NKTR: variants seen among roughly 807,000 people sequenced by gnomAD.
NKTR encodes NK-tumor recognition protein.
Under a neutral mutation model 156.3 loss-of-function variants are expected in NKTR, and 67 were observed. The ratio of observed to expected loss-of-function variants is 0.43; its 90% confidence interval spans 0.35 to 0.53. The LOEUF is 0.53. NKTR is among the 20% of genes least tolerant of loss of function. The pLI, the probability that NKTR is intolerant of heterozygous loss-of-function variation, is 0.01. For missense variants in NKTR, 1,604 were observed against 1,730.9 expected (o/e 0.93, Z 1.30); for synonymous variants, 640 against 596.6 (o/e 1.07, Z -1.06).
intron 9 of NKTR, chr3:42,633,065 G>A (rs1021836465): frequency 8.9e-7 from 1 of 1,129,040 alleles, no homozygotes; most frequent in Non-Finnish European, 1.1e-6. Context: ...TAAGAGATAG[G>A]GTCTTGCTCT....
At chr3:42,635,075 A>T in intron 11 of NKTR, 146 bp from the exon 12 acceptor site, 4 of 465,274 alleles carry the variant, frequency 8.6e-6, no homozygotes, top group Non-Finnish European at 1.4e-5. Context: ...AAAAAAAAAA[A>T]AAAGAACTTT....
At chr3:42,619,831 GA>G (rs920092489) in intron 5 of NKTR, 123 bp downstream of exon 5, 3 of 1,493,990 alleles carry the variant, frequency 2.0e-6, no homozygotes, top group Non-Finnish European at 2.7e-6. Context: ...AATGCTGCAT[GA>G]AAATACTTTA....
At position 42,648,477 on chromosome 3, in the gene NKTR, C is replaced by T. The variant is rs1234193694; in HGVS notation, c.*2502C>T. ...GTGAACTACAGAAATAGCTTTTCTT[C>T]CTAAAGGGGATTGTTCTACATTTTG... On this transcript the variant is annotated 3_prime_UTR_variant, in exon 17 of 17. Transcript: ENST00000232978. The T allele has an allele frequency of 6.6e-6, 1 of 152,328 alleles. No homozygotes were observed. Among genetic ancestry groups the T allele is most frequent in the Non-Finnish European group, 1.5e-5 (1 of 68,014 alleles). The allele number at this position is 152,328 out of a possible 1,614,324, so 9.4% of individuals were successfully genotyped here. A position where few individuals can be genotyped will look rare whatever the true frequency, so the allele number is the denominator to read the frequency against.
intron 2 of NKTR, among the ~76,000 whole-genome samples, chr3:42,610,238 A>G (rs1706648644): frequency 6.6e-6 from 1 of 152,180 alleles, no homozygotes; most frequent in South Asian, 2.1e-4. Flanking sequence ...TCCCGACCTC[A>G]GGTGATCCGC....
At chr3:42,641,280 T>A (rs763151691) in intron 13 of NKTR, among the ~76,000 whole-genome samples, 1 of 152,198 alleles carries the variant, frequency 6.6e-6, no homozygotes, top group Non-Finnish European at 1.5e-5. Flanking sequence ...TACAATCTTA[T>A]TAGAACATAA....
chr3:42,637,122 G>A lies in NKTR; in HGVS notation c.1418G>A (p.Arg473Gln), dbSNP rs764754257. ...SDIESSKSSTRRMKSSCDRER... is the reference protein window; with the variant it reads ...SDIESSKSSTQRMKSSCDRER... ...ATAGAATCCTCAAAATCTTCCACTC[G>A]AAGAATGAAATCCTCTTGTGATAGA... Residue 473 changes from arginine to glutamine, a missense_variant, in exon 13 of 17, where the codon CGA (arginine) becomes CAA (glutamine). By Grantham distance (43) the Arg-to-Gln change is conservative. Transcript: ENST00000232978. 14 of 1,607,898 alleles carry A rather than the reference G, an allele frequency of 8.7e-6. No homozygotes were observed. The highest frequency in any genetic ancestry group is 2.2e-5 in the East Asian group (1 of 44,870).
chr3:42,604,075 G>C (rs1390103337), intron 2 of NKTR, among the ~76,000 whole-genome samples: 1 of 152,110 alleles, frequency 6.6e-6, no homozygotes, highest in African/African-American at 2.4e-5. Context: ...TTTTATCTAA[G>C]TTGTCAAGTT....
At chr3:42,640,697 G>T (rs762206176) in intron 13 of NKTR, among the ~76,000 whole-genome samples, 1 of 151,916 alleles carries the variant, frequency 6.6e-6, no homozygotes, top group East Asian at 1.9e-4. Context: ...TCCCCTCCCC[G>T]CATCTCTTAG....
chr3:42,630,774 C>T, intron 7 of NKTR, 199 bp downstream of exon 7: 1 of 1,382,880 alleles, frequency 7.2e-7, no homozygotes, highest in Non-Finnish European at 9.4e-7. Context: ...TCAATCTGTG[C>T]TCATGGATGG....
rs572259658 is a variant in NKTR at position 42,637,197 on chromosome 3, G to C, written c.1493G>C (p.Arg498Thr). 1.1e-5 allele frequency: 17 copies of C among 1,612,422 alleles called. No individual in the cohort carries two copies. The highest frequency in any genetic ancestry group is 2.2e-5 in the East Asian group (1 of 44,868). The stretch of plus-strand genomic sequence containing the variant: ...TTGTCATCTCATCACTCATCAAAGA[G>C]AGACTGGTCTAAATCTGATAAGGAT... ...SSLSSHHSSK[R>T]DWSKSDKDVQ... Residue 498 changes from arginine to threonine, a missense_variant, in exon 13 of 17, where the codon AGA (arginine) becomes ACA (threonine). Around this residue, in one of 6 missense-constraint regions of NKTR, gnomAD observed 1,255 missense variants for 1,243.7 expected, o/e 1.01. Transcript: ENST00000232978.
intron 6 of NKTR, chr3:42,627,738 T>C (rs544119107): frequency 1.0e-6 from 1 of 983,332 alleles, no homozygotes; most frequent in Non-Finnish European, 1.2e-6. Context: ...CAATTTGAAA[T>C]GTTCTTTGTG....
rs1159910051 is a variant in NKTR, at chr3:42,639,289, C to T, written c.3585C>T (p.Asp1195=). ...TGTTGGGTGAAGTGGGGAAACAGGACAGCAGCTCTGCTAGCTTGGCTAGTG... is the reference window on the plus strand; with the variant it reads ...TGTTGGGTGAAGTGGGGAAACAGGATAGCAGCTCTGCTAGCTTGGCTAGTG... The part of the protein sequence containing the change: ...SKVLGEVGKQ[D]SSSASLASAG... The change falls in exon 13 of 17, where the codon GAC becomes GAT. Residue 1195 remains aspartate (D), a synonymous_variant. Coordinates refer to ENST00000232978, the MANE Select transcript of NKTR (RefSeq NM_005385.4). 1.2e-6 allele frequency: 2 copies of T among 1,614,132 alleles called. No individual in the cohort carries two copies. Among genetic ancestry groups the T allele is most frequent in the East Asian group, 4.5e-5 (2 of 44,884 alleles).
intron 2 of NKTR, among the ~76,000 whole-genome samples, chr3:42,603,634 G>C (rs562565933): frequency 2.2e-4 from 34 of 151,890 alleles, no homozygotes; most frequent in African/African-American, 7.7e-4. Flanking sequence ...CATTGTTCTA[G>C]GTTTAATCAT....
rs1300090157 is a variant in NKTR, at chr3:42,637,736, T to G, written c.2032T>G (p.Tyr678Asp). Residue 678 changes from tyrosine to aspartate, a missense_variant, in exon 13 of 17, where the codon TAT (tyrosine) becomes GAT (aspartate). This residue lies in a region of NKTR where 1,255 missense variants were observed against 1,243.7 expected (regional missense o/e 1.01). Coordinates refer to ENST00000232978, the MANE Select transcript of NKTR (RefSeq NM_005385.4). ...AAATTCGGAAAGTGATCAGAGCACT[T>G]ATTCAAAATACAGTGATAGAAGTTC... The part of the protein sequence containing the change: ...EKNSESDQST[Y>D]SKYSDRSSES... The G allele has an allele frequency of 6.2e-7, 1 of 1,614,010 alleles. No homozygotes were observed. The highest frequency in any genetic ancestry group is 8.5e-7 in the Non-Finnish European group (1 of 1,179,974).
chr3:42,625,705 T>G (rs1708314595), intron 6 of NKTR, among the ~76,000 whole-genome samples: 1 of 152,160 alleles, frequency 6.6e-6, no homozygotes, highest in African/African-American at 2.4e-5. Flanking sequence ...GCTTTTTCCT[T>G]CCTTTTTTTG....
intron 2 of NKTR, among the ~76,000 whole-genome samples, chr3:42,610,914 GTTTC>G (rs1706731662): frequency 6.6e-6 from 1 of 151,878 alleles, no homozygotes; most frequent in Admixed American, 6.6e-5. Flanking sequence ...CAGCATTTTA[GTTTC>G]TTTATTGGGC....
Position 42,637,374 on chromosome 3 carries a change from C to T in NKTR, c.1670C>T (p.Ser557Phe). ...SRSKSRSSSK[S>F]GHRKRASKSP... ...TCAAAGTCCAGATCTAGTTCCAAGT[C>T]TGGGCACCGAAAGAGAGCATCAAAA... Residue 557 changes from serine to phenylalanine, a missense_variant, in exon 13 of 17, where the codon TCT (serine) becomes TTT (phenylalanine). Ser to Phe is a radical substitution (Grantham distance 155). Transcript: ENST00000232978. 1 of 1,614,124 alleles carries T rather than the reference C, an allele frequency of 6.2e-7. No individual in the cohort carries two copies. Among genetic ancestry groups the T allele is most frequent in the Non-Finnish European group, 8.5e-7 (1 of 1,180,008 alleles).
At chr3:42,643,742 A>G in intron 15 of NKTR, 160 bp from the exon 16 acceptor site, 1 of 687,936 alleles carries the variant, frequency 1.5e-6, no homozygotes, top group Non-Finnish European at 2.6e-6. Context: ...ATTTGGGGCA[A>G]TTGTTAAATG....
Position 42,638,429 on chromosome 3 carries a change from A to C in NKTR, c.2725A>C (p.Lys909Gln), listed in dbSNP as rs761204391. 3 of 1,613,156 alleles carry C rather than the reference A, an allele frequency of 1.9e-6. No homozygotes were observed. Among genetic ancestry groups the C allele is most frequent in the East Asian group, 2.2e-5 (1 of 44,900 alleles). Residue 909 changes from lysine to glutamine, a missense_variant, in exon 13 of 17, where the codon AAG becomes CAG. This residue lies in a region of NKTR where 1,255 missense variants were observed against 1,243.7 expected (regional missense o/e 1.01). Coordinates refer to ENST00000232978, the MANE Select transcript of NKTR (RefSeq NM_005385.4). Reference protein sequence around the residue: ...SKNDSHPSSDKEEGEATSDSE... With the variant: ...SKNDSHPSSDQEEGEATSDSE... ...AAATGACTCCCATCCATCCTCTGAC[A>C]AGGAAGAAGGTGAGGCCACATCCGA... is the stretch of plus-strand genomic sequence containing the variant.
Sources: gnomAD v4.1 joint callset for allele counts (sites outside exome capture counted in the v4.1 genomes callset) on GRCh38, gnomAD v4.1.1 for gene constraint, gnomAD v4.1.1 regional missense constraint, MANE v1.5 for transcripts, NCBI Gene and HGNC (gene_info 2026-07-23, HGNC 2026-07-21) for gene names.